C10orf62: variants seen among roughly 807,000 people sequenced by gnomAD.
C10orf62 encodes the protein uncharacterized protein C10orf62.
For missense variants in C10orf62, 279 were observed against 281.9 expected (o/e 0.99, Z 0.07); for synonymous variants, 94 against 109.7 (o/e 0.86, Z 0.89).
Position 97,590,705 on chromosome 10 carries a change from C to G in C10orf62, c.*136C>G. ...CCAGGGTGAGATGCTGTGCCCAAAT[C>G]CCTACTTTCTTAGGCTCCTCACGGG... On this transcript the variant is annotated 3_prime_UTR_variant, in exon 1 of 1. Transcript: ENST00000370640. The G allele has an allele frequency of 1.2e-6, 1 of 811,128 alleles. No individual in the cohort carries two copies. Among genetic ancestry groups the G allele is most frequent in the South Asian group, 1.8e-5 (1 of 56,488 alleles). 50.2% of individuals were successfully genotyped at this position (811,128 alleles called of 1,614,324 possible). A position where few individuals can be genotyped will look rare whatever the true frequency, so the allele number is the denominator to read the frequency against.
rs2041014900 is a variant in C10orf62, at chr10:97,590,684, G to C, written c.*115G>C. ...CTATGGGGCCATCTATGCAGGCCAG[G>C]GTGAGATGCTGTGCCCAAATCCCTA... On this transcript the variant is annotated 3_prime_UTR_variant, in exon 1 of 1. Coordinates refer to ENST00000370640, the MANE Select transcript of C10orf62 (RefSeq NM_001009997.3). 2 of 1,000,850 alleles carry C rather than the reference G, an allele frequency of 2.0e-6. No individual in the cohort carries two copies. The highest frequency in any genetic ancestry group is 1.6e-5 in the African/African-American group (1 of 62,090). The allele number at this position is 1,000,850 out of a possible 1,614,324, so 62.0% of individuals were successfully genotyped here.
Position 97,590,879 on chromosome 10 carries a change from G to A in C10orf62, c.*310G>A. 2.3e-6 allele frequency: 1 copy of A among 431,304 alleles called. No individual in the cohort carries two copies. Among genetic ancestry groups the A allele is most frequent in the Non-Finnish European group, 4.3e-6 (1 of 231,624 alleles). The allele number at this position is 431,304 out of a possible 1,614,324, so 26.7% of individuals were successfully genotyped here. On this transcript the variant is annotated 3_prime_UTR_variant, in exon 1 of 1. Transcript: ENST00000370640. ...AGAAGACAGATGGGAGCAGGCAAGAGCCCCACACTGATGTCATTGCCTGGA... is the reference window on the plus strand; with the variant it reads ...AGAAGACAGATGGGAGCAGGCAAGAACCCCACACTGATGTCATTGCCTGGA...
Position 97,590,349 on chromosome 10 carries a change from C to T in C10orf62, c.452C>T (p.Ala151Val). 6.2e-7 allele frequency: 1 copy of T among 1,614,042 alleles called. No individual in the cohort carries two copies. Among genetic ancestry groups the T allele is most frequent in the Non-Finnish European group, 8.5e-7 (1 of 1,180,028 alleles). The part of the protein sequence containing the change: ...LAHSMLQRAI[A>V]YQHSGHLESK... ...CACTCCATGCTGCAGCGGGCCATAG[C>T]TTACCAGCACTCAGGTCACCTAGAG... is the stretch of plus-strand genomic sequence containing the variant. Residue 151 changes from alanine (A) to valine (V), a missense_variant, in exon 1 of 1, where the codon GCT becomes GTT. Ala to Val is a moderately conservative substitution (Grantham distance 64). Coordinates refer to ENST00000370640, the MANE Select transcript of C10orf62 (RefSeq NM_001009997.3).
chr10:97,590,677 A>G lies in C10orf62; in HGVS notation c.*108A>G. The G allele has an allele frequency of 9.2e-7, 1 of 1,087,252 alleles. No individual in the cohort carries two copies. The allele number at this position is 1,087,252 out of a possible 1,614,324, so 67.4% of individuals were successfully genotyped here. On this transcript the variant is annotated 3_prime_UTR_variant, in exon 1 of 1. Transcript: ENST00000370640. Reference sequence around the variant, plus strand: ...TTCTCTCCTATGGGGCCATCTATGCAGGCCAGGGTGAGATGCTGTGCCCAA... The same window carrying G: ...TTCTCTCCTATGGGGCCATCTATGCGGGCCAGGGTGAGATGCTGTGCCCAA...
rs142514598 is a variant in C10orf62, at chr10:97,590,313, G to A, written c.416G>A (p.Arg139Gln). 2.0e-5 allele frequency: 32 copies of A among 1,613,670 alleles called. No individual in the cohort carries two copies. The highest frequency in any genetic ancestry group is 5.3e-5 in the African/African-American group (4 of 74,908). ...ACTKEIDTQG[R>Q]HLAHSMLQRA... ...ACCAAGGAGATTGACACCCAGGGGCGGCACCTGGCTCACTCCATGCTGCAG... is the reference window on the plus strand; with the variant it reads ...ACCAAGGAGATTGACACCCAGGGGCAGCACCTGGCTCACTCCATGCTGCAG... The change falls in exon 1 of 1, where the codon CGG becomes CAG. Residue 139 changes from arginine (R) to glutamine (Q), a missense_variant. Transcript: ENST00000370640.
In C10orf62 at chr10:97,589,814, C is replaced by T. The variant is rs911146343; in HGVS notation, c.-84C>T. On this transcript the variant is annotated 5_prime_UTR_variant, in exon 1 of 1. Coordinates refer to ENST00000370640, the MANE Select transcript of C10orf62 (RefSeq NM_001009997.3). ...AGCTCTGCCTGCCTGGTGTAGGGTC[C>T]TGGAGACCTTCTTGGAGCTCATCCA... 8.5e-6 allele frequency: 9 copies of T among 1,061,080 alleles called. No individual in the cohort carries two copies. The highest frequency in any genetic ancestry group is 5.8e-5 in the South Asian group (4 of 68,558). The allele number at this position is 1,061,080 out of a possible 1,614,324, so 65.7% of individuals were successfully genotyped here. A position where few individuals can be genotyped will look rare whatever the true frequency, so the allele number is the denominator to read the frequency against.
Position 97,589,834 on chromosome 10 carries a change from C to T in C10orf62, c.-64C>T. On this transcript the variant is annotated 5_prime_UTR_variant, in exon 1 of 1. Transcript: ENST00000370640. ...GGGTCCTGGAGACCTTCTTGGAGCT[C>T]ATCCAGCAGCCATCATGCAAGGTGG... is the stretch of plus-strand genomic sequence containing the variant. 7.6e-7 allele frequency: 1 copy of T among 1,311,934 alleles called. No homozygotes were observed. The highest frequency in any genetic ancestry group is 1.3e-5 in the South Asian group (1 of 76,070). The allele number at this position is 1,311,934 out of a possible 1,614,324, so 81.3% of individuals were successfully genotyped here. A position where few individuals can be genotyped will look rare whatever the true frequency, so the allele number is the denominator to read the frequency against.
Position 97,590,689 on chromosome 10 carries a change from G to T in C10orf62, c.*120G>T. 1 of 939,678 alleles carries T rather than the reference G, an allele frequency of 1.1e-6. No homozygotes were observed. Among genetic ancestry groups the T allele is most frequent in the Non-Finnish European group, 1.6e-6 (1 of 618,544 alleles). 58.2% of individuals were successfully genotyped at this position (939,678 alleles called of 1,614,324 possible). On this transcript the variant is annotated 3_prime_UTR_variant, in exon 1 of 1. Coordinates refer to ENST00000370640, the MANE Select transcript of C10orf62 (RefSeq NM_001009997.3). ...GGGCCATCTATGCAGGCCAGGGTGA[G>T]ATGCTGTGCCCAAATCCCTACTTTC...
Position 97,590,757 on chromosome 10 carries a change from G to A in C10orf62, c.*188G>A, listed in dbSNP as rs2041015328. The A allele has an allele frequency of 6.3e-6, 4 of 632,520 alleles. No individual in the cohort carries two copies. The highest frequency in any genetic ancestry group is 6.1e-5 in the South Asian group (3 of 49,140). 39.2% of individuals were successfully genotyped at this position (632,520 alleles called of 1,614,324 possible). A position where few individuals can be genotyped will look rare whatever the true frequency, so the allele number is the denominator to read the frequency against. ...ATTATGGGCTCTTTAAACTCCATGA[G>A]TGGGGTCTGCCACAGAAGATGGCCC... On this transcript the variant is annotated 3_prime_UTR_variant, in exon 1 of 1. Transcript: ENST00000370640.
At position 97,590,812 on chromosome 10, in the gene C10orf62, C is replaced by A. The variant is rs576705974; in HGVS notation, c.*243C>A. ...TGGAGGGAGAGCTGGGAGGACACAG[C>A]GCAGGTGAGATAGACCCTGAGGCCC... On this transcript the variant is annotated 3_prime_UTR_variant, in exon 1 of 1. Coordinates refer to ENST00000370640, the MANE Select transcript of C10orf62 (RefSeq NM_001009997.3). 4 of 591,798 alleles carry A rather than the reference C, an allele frequency of 6.8e-6. No individual in the cohort carries two copies. The highest frequency in any genetic ancestry group is 5.6e-5 in the African/African-American group (3 of 53,482). The allele number at this position is 591,798 out of a possible 1,614,324, so 36.7% of individuals were successfully genotyped here.
chr10:97,590,886 A>G lies in C10orf62; in HGVS notation c.*317A>G, dbSNP rs1253178172. 2.0e-5 allele frequency: 8 copies of G among 400,788 alleles called. No individual in the cohort carries two copies. In the East Asian group the frequency reaches 3.7e-4, roughly 19 times the overall value. The allele number at this position is 400,788 out of a possible 1,614,324, so 24.8% of individuals were successfully genotyped here. ...AGATGGGAGCAGGCAAGAGCCCCAC[A>G]CTGATGTCATTGCCTGGAACGGAGC... On this transcript the variant is annotated 3_prime_UTR_variant, in exon 1 of 1. Coordinates refer to ENST00000370640, the MANE Select transcript of C10orf62 (RefSeq NM_001009997.3).
Position 97,589,934 on chromosome 10 carries a change from A to G in C10orf62, c.37A>G (p.Thr13Ala). 1 of 1,613,706 alleles carries G rather than the reference A, an allele frequency of 6.2e-7. No homozygotes were observed. Among genetic ancestry groups the G allele is most frequent in the Non-Finnish European group, 8.5e-7 (1 of 1,179,784 alleles). ...WVQRKRRRKE[T>A]SECPSDKDKS... The stretch of plus-strand genomic sequence containing the variant: ...TCAGAGAAAGAGGAGAAGAAAGGAA[A>G]CCTCTGAGTGTCCATCAGACAAGGA... The change falls in exon 1 of 1, where the codon ACC becomes GCC. Residue 13 changes from threonine to alanine, a missense_variant. By Grantham distance (58) the Thr-to-Ala change is moderately conservative. Coordinates refer to ENST00000370640, the MANE Select transcript of C10orf62 (RefSeq NM_001009997.3).
Position 97,590,288 on chromosome 10 carries a change from A to G in C10orf62, c.391A>G (p.Thr131Ala), listed in dbSNP as rs772977970. Reference protein sequence around the residue: ...EATWAAVAACTKEIDTQGRHL... With the variant: ...EATWAAVAACAKEIDTQGRHL... Reference sequence around the variant, plus strand: ...CACGTGGGCCGCTGTGGCTGCCTGCACCAAGGAGATTGACACCCAGGGGCG... The same window carrying G: ...CACGTGGGCCGCTGTGGCTGCCTGCGCCAAGGAGATTGACACCCAGGGGCG... The change falls in exon 1 of 1, where the codon ACC (threonine) becomes GCC (alanine). Residue 131 changes from threonine to alanine, a missense_variant. Transcript: ENST00000370640. The G allele has an allele frequency of 3.1e-6, 5 of 1,613,670 alleles. No individual in the cohort carries two copies. Among genetic ancestry groups the G allele is most frequent in the Non-Finnish European group, 4.2e-6 (5 of 1,180,014 alleles).
Position 97,590,064 on chromosome 10 carries a change from G to C in C10orf62, c.167G>C (p.Ser56Thr). Residue 56 changes from serine (S) to threonine (T), a missense_variant, in exon 1 of 1, where the codon AGT becomes ACT. By Grantham distance (58) the Ser-to-Thr change is moderately conservative. Transcript: ENST00000370640. ...KLALDNNASA[S>T]GNATQTESGS... ...GCCCTCGACAACAATGCCAGCGCTA[G>C]TGGCAATGCTACCCAGACTGAGAGT... 6.2e-7 allele frequency: 1 copy of C among 1,614,150 alleles called. No individual in the cohort carries two copies. The highest frequency in any genetic ancestry group is 8.5e-7 in the Non-Finnish European group (1 of 1,180,004).
rs1164804468 is a variant in C10orf62 at position 97,590,200 on chromosome 10, T to C, written c.303T>C (p.Ser101=). The change falls in exon 1 of 1, where the codon TCT becomes TCC. Residue 101 remains serine (S), a synonymous_variant. Transcript: ENST00000370640. Reference sequence around the variant, plus strand: ...CCTTCACCAGCAGGCAGAAGACATCTGGGCCCTCAGTGATCCAAGAGATCC... The same window carrying C: ...CCTTCACCAGCAGGCAGAAGACATCCGGGCCCTCAGTGATCCAAGAGATCC... ...RESFTSRQKT[S]GPSVIQEIHQ... 1 of 1,614,008 alleles carries C rather than the reference T, an allele frequency of 6.2e-7. No individual in the cohort carries two copies. The highest frequency in any genetic ancestry group is 2.2e-5 in the East Asian group (1 of 44,866).
Position 97,590,643 on chromosome 10 carries a change from A to G in C10orf62, c.*74A>G, listed in dbSNP as rs1029847744. On this transcript the variant is annotated 3_prime_UTR_variant, in exon 1 of 1. Coordinates refer to ENST00000370640, the MANE Select transcript of C10orf62 (RefSeq NM_001009997.3). ...CCCCCAGCAAGGCTGGCTCACACAC[A>G]CGTCTGTTTTCTCTCCTATGGGGCC... 14 of 1,464,292 alleles carry G rather than the reference A, an allele frequency of 9.6e-6. No homozygotes were observed. In the African/African-American group the frequency reaches 1.7e-4, roughly 17 times the overall value. 90.7% of individuals were successfully genotyped at this position (1,464,292 alleles called of 1,614,324 possible). A position where few individuals can be genotyped will look rare whatever the true frequency, so the allele number is the denominator to read the frequency against.
rs201791108 is a variant in C10orf62, at chr10:97,590,132, A to C, written c.235A>C (p.Thr79Pro). The stretch of plus-strand genomic sequence containing the variant: ...CTCCACGGTTCACATAGAGACCTTC[A>C]CCACGAGGCACGGAGAAGTGGGCTC... The part of the protein sequence containing the change: ...VSSTVHIETF[T>P]TRHGEVGSAL... Residue 79 changes from threonine to proline, a missense_variant, in exon 1 of 1, where the codon ACC becomes CCC. Transcript: ENST00000370640. 99 of 1,614,024 alleles carry C rather than the reference A, an allele frequency of 6.1e-5. No homozygotes were observed. Among genetic ancestry groups the C allele is most frequent in the Non-Finnish European group, 8.1e-5 (96 of 1,180,034 alleles).
In C10orf62 at chr10:97,590,659, C is replaced by A; in HGVS notation, c.*90C>A. The A allele has an allele frequency of 7.7e-7, 1 of 1,297,118 alleles. No individual in the cohort carries two copies. The highest frequency in any genetic ancestry group is 1.1e-6 in the Non-Finnish European group (1 of 919,856). The allele number at this position is 1,297,118 out of a possible 1,614,324, so 80.4% of individuals were successfully genotyped here. ...CTCACACACACGTCTGTTTTCTCTC[C>A]TATGGGGCCATCTATGCAGGCCAGG... On this transcript the variant is annotated 3_prime_UTR_variant, in exon 1 of 1. Transcript: ENST00000370640.
chr10:97,590,066 G>A lies in C10orf62; in HGVS notation c.169G>A (p.Gly57Ser). ...LALDNNASASGNATQTESGSE... is the reference protein window; with the variant it reads ...LALDNNASASSNATQTESGSE... Reference sequence around the variant, plus strand: ...CCTCGACAACAATGCCAGCGCTAGTGGCAATGCTACCCAGACTGAGAGTGG... The same window carrying A: ...CCTCGACAACAATGCCAGCGCTAGTAGCAATGCTACCCAGACTGAGAGTGG... Residue 57 changes from glycine to serine, a missense_variant, in exon 1 of 1, where the codon GGC becomes AGC. Gly to Ser is a moderately conservative substitution (Grantham distance 56). Coordinates refer to ENST00000370640, the MANE Select transcript of C10orf62 (RefSeq NM_001009997.3). 6.2e-7 allele frequency: 1 copy of A among 1,614,172 alleles called. No homozygotes were observed. Among genetic ancestry groups the A allele is most frequent in the Admixed American group, 1.7e-5 (1 of 60,018 alleles).
Sources: gnomAD v4.1 joint callset for allele counts on GRCh38, gnomAD v4.1.1 for gene constraint, MANE v1.5 for transcripts, NCBI Gene and HGNC (gene_info 2026-07-23, HGNC 2026-07-21) for gene names.